The following FBXO36 variants were observed in gnomAD, a reference collection of about 807,000 sequenced individuals.
FBXO36 encodes the protein F-box protein 36, also known as F-box only protein 36.
FBXO36 carries 18 observed loss-of-function variants against 17.0 expected under a neutral mutation model. That is an observed-to-expected ratio of 1.06 (90% CI 0.73 to 1.57). The LOEUF (loss-of-function observed/expected upper bound fraction) is 1.57, where lower values mean the gene tolerates loss of function less well. Ranked by LOEUF, FBXO36 falls within the 40% of genes most tolerant of loss-of-function variation. The pLI is 0.00. For synonymous variants in FBXO36, 83 were observed against 85.3 expected (o/e 0.97, Z 0.15); for missense variants, 229 against 221.9 (o/e 1.03, Z -0.20).
intron 1 of FBXO36, among the ~76,000 whole-genome samples, chr2:229,946,021 T>TAA (rs879810897): frequency 8.0e-6 from 1 of 125,250 alleles, no homozygotes; most frequent in Non-Finnish European, 1.7e-5. Context: ...AAACTCCATC[T>TAA]AAAAAAAAAA....
intron 1 of FBXO36, among the ~76,000 whole-genome samples, chr2:229,965,808 T>C (rs933382061): frequency 6.6e-6 from 1 of 152,206 alleles, no homozygotes; most frequent in African/African-American, 2.4e-5. Context: ...AAGTCTTTGC[T>C]ATTGTGAATA....
intron 2 of FBXO36, among the ~76,000 whole-genome samples, chr2:229,981,245 T>G (rs991792564): frequency 6.6e-6 from 1 of 152,040 alleles, no homozygotes; most frequent in African/African-American, 2.4e-5. Context: ...TCCCAACTAC[T>G]TGGGAGGCTG....
intron 1 of FBXO36, among the ~76,000 whole-genome samples, chr2:229,924,831 C>T (rs2076899039): frequency 6.6e-6 from 1 of 151,772 alleles, no homozygotes; most frequent in African/African-American, 2.4e-5. Flanking sequence ...TGCAGTGGCT[C>T]AATCTCAGCT....
intron 1 of FBXO36, among the ~76,000 whole-genome samples, chr2:229,940,504 T>C (rs1183480721): frequency 6.6e-6 from 1 of 151,858 alleles, no homozygotes; most frequent in East Asian, 1.9e-4. Context: ...GAATTATGTC[T>C]CCCCCCAAAA....
chr2:229,925,452 A>G (rs1265113670), intron 1 of FBXO36, among the ~76,000 whole-genome samples: 2 of 152,184 alleles, frequency 1.3e-5, no homozygotes, highest in Non-Finnish European at 2.9e-5. Flanking sequence ...AATAAGTACT[A>G]AAAGACTAGC....
intron 1 of FBXO36, among the ~76,000 whole-genome samples, chr2:229,974,714 A>T (rs572203927): frequency 5.3e-5 from 8 of 152,180 alleles, no homozygotes; most frequent in African/African-American, 1.9e-4. Context: ...ACTGACTGTC[A>T]TTATAACATA....
intron 1 of FBXO36, among the ~76,000 whole-genome samples, chr2:229,963,452 T>C (rs56924575): frequency 0.014 from 1,978 of 146,332 alleles, 45 homozygotes; most frequent in African/African-American, 0.046. Flanking sequence ...TTCTTTTTTT[T>C]TTTTTTTTTC....
intron 2 of FBXO36, among the ~76,000 whole-genome samples, chr2:229,993,867 C>T (rs943546880): frequency 2.0e-5 from 3 of 151,960 alleles, no homozygotes; most frequent in Admixed American, 1.3e-4. Context: ...GCCATTCTCC[C>T]GCCTCAGCCT....
chr2:229,973,614 A>T (rs899692574), intron 1 of FBXO36, among the ~76,000 whole-genome samples: 3 of 151,682 alleles, frequency 2.0e-5, no homozygotes, highest in African/African-American at 7.3e-5. Context: ...CCAGCTACTC[A>T]GGAGGCTAAG....
intron 2 of FBXO36, among the ~76,000 whole-genome samples, chr2:229,982,515 T>G (rs1376413391): frequency 6.6e-6 from 1 of 152,024 alleles, no homozygotes; most frequent in African/African-American, 2.4e-5. Context: ...CATCTCAAGA[T>G]CCTTAATTTG....
chr2:230,006,160 A>G lies in FBXO36; in HGVS notation c.379-4536A>G, dbSNP rs534430870. ...TTGCTCTGTTGCCTAGGCTGGCACAATCTTGGCTCACTGTAACCTCTGCCT... is the reference window on the plus strand; with the variant it reads ...TTGCTCTGTTGCCTAGGCTGGCACAGTCTTGGCTCACTGTAACCTCTGCCT... On this transcript the variant is annotated intron_variant, in intron 3 of 3. Transcript: ENST00000283946. Among the ~76,000 whole-genome samples, 9 of 146,712 alleles carry G rather than the reference A, an allele frequency of 6.1e-5. No individual in the cohort carries two copies. The South Asian group carries it at 1.7e-3, about 28-fold the overall frequency.
chr2:229,978,635 C>T (rs1002678179), intron 2 of FBXO36, among the ~76,000 whole-genome samples: 1 of 151,910 alleles, frequency 6.6e-6, no homozygotes, highest in Admixed American at 6.6e-5. Context: ...CTAGAAGACA[C>T]CTTAGAGATT....
At chr2:229,991,821 C>A (rs1000664861) in intron 2 of FBXO36, among the ~76,000 whole-genome samples, 1 of 152,162 alleles carries the variant, frequency 6.6e-6, no homozygotes. Context: ...TTCATGAAAA[C>A]CCTAAGGTTT....
rs772969166 is a variant in FBXO36, at chr2:229,941,601, GA to G, written c.96+19005del. 2.9e-3 allele frequency among the ~76,000 whole-genome samples: 402 copies of G among 140,780 alleles called. 1 individual carries two copies. The highest frequency in any genetic ancestry group is 3.0e-3 in the African/African-American group (114 of 38,562). 92.4% of individuals were successfully genotyped at this position (140,780 alleles called of 152,430 possible). A position where few individuals can be genotyped will look rare whatever the true frequency, so the allele number is the denominator to read the frequency against. ...ATGCAAACTGCTGGCCAGGAGAGGC[GA>G]AAAAAAAAAAAATAGAGAAGGGACA... On this transcript the variant is annotated intron_variant, in intron 1 of 3. Coordinates refer to ENST00000283946, the MANE Select transcript of FBXO36 (RefSeq NM_174899.5).
At chr2:230,001,031 G>T (rs542613872) in intron 3 of FBXO36, among the ~76,000 whole-genome samples, 1 of 151,506 alleles carries the variant, frequency 6.6e-6, no homozygotes, top group South Asian at 2.1e-4. Flanking sequence ...GCTAATTTTT[G>T]CATTTTCAGT....
At chr2:229,991,343 C>T (rs1163705742) in intron 2 of FBXO36, among the ~76,000 whole-genome samples, 1 of 152,100 alleles carries the variant, frequency 6.6e-6, no homozygotes, top group Non-Finnish European at 1.5e-5. Flanking sequence ...TATGTCAAAC[C>T]CCTGACTCCC....
intron 2 of FBXO36, among the ~76,000 whole-genome samples, chr2:229,986,817 G>T (rs890653816): frequency 6.6e-6 from 1 of 151,986 alleles, no homozygotes; most frequent in South Asian, 2.1e-4. Flanking sequence ...TTATAGGTGT[G>T]AGCCACCACA....
At chr2:229,939,777 G>A (rs1213762952) in intron 1 of FBXO36, among the ~76,000 whole-genome samples, 1 of 152,076 alleles carries the variant, frequency 6.6e-6, no homozygotes, top group African/African-American at 2.4e-5. Context: ...GCAGCTCCTC[G>A]AGACCCTATA....
intron 1 of FBXO36, among the ~76,000 whole-genome samples, chr2:229,957,511 A>G (rs1398235916): frequency 6.6e-6 from 1 of 152,144 alleles, no homozygotes; most frequent in Non-Finnish European, 1.5e-5. Flanking sequence ...CGGGATGCGG[A>G]GGTTGCAGTG....
Sources: gnomAD v4.1 joint callset for allele counts (sites outside exome capture counted in the v4.1 genomes callset) on GRCh38, gnomAD v4.1.1 for gene constraint, MANE v1.5 for transcripts, NCBI Gene and HGNC (gene_info 2026-07-23, HGNC 2026-07-21) for gene names.